Variants in CHD7 observed in about 807,000 individuals in gnomAD.
The protein encoded by CHD7 is ATP-dependent chromatin remodeler CHD7.
Under a neutral mutation model 307.3 loss-of-function variants are expected in CHD7, and 24 were observed. The ratio of observed to expected loss-of-function variants is 0.08; its 90% confidence interval spans 0.06 to 0.11. CHD7 has a LOEUF of 0.11. Among genes scored for constraint, CHD7 ranks in the 10% least tolerant of loss-of-function variants. CHD7 has a pLI of 1.00. For synonymous variants in CHD7, 1,363 were observed against 1,349.9 expected (o/e 1.01, Z -0.21); for missense variants, 3,106 against 3,727.1 (o/e 0.83, Z 4.34).
intron 1 of CHD7, among the ~76,000 whole-genome samples, chr8:60,712,398 G>A (rs1008908066): frequency 2.6e-5 from 4 of 152,112 alleles, no homozygotes; most frequent in African/African-American, 9.7e-5. Flanking sequence ...AATGTTTGAG[G>A]ACTCTGAGAT....
intron 1 of CHD7, among the ~76,000 whole-genome samples, chr8:60,681,616 A>T (rs915778217): frequency 6.6e-6 from 1 of 152,222 alleles, no homozygotes; most frequent in African/African-American, 2.4e-5. Flanking sequence ...AAATTTTAGA[A>T]GCTAAATTTT....
intron 36 of CHD7, 30 bp downstream of exon 36, chr8:60,862,366 A>C (rs1178590985): frequency 6.3e-7 from 1 of 1,582,778 alleles, no homozygotes; most frequent in East Asian, 2.2e-5. Context: ...ATTGATCACT[A>C]TGCGATTTCT....
intron 3 of CHD7, among the ~76,000 whole-genome samples, chr8:60,794,539 A>G (rs1356355900): frequency 1.3e-5 from 2 of 152,230 alleles, no homozygotes; most frequent in Admixed American, 6.5e-5. Context: ...GATGGTATAA[A>G]AGAGGATACC....
At chr8:60,838,048 G>T in intron 18 of CHD7, 28 bp from the exon 19 acceptor site, 2 of 1,419,158 alleles carry the variant, frequency 1.4e-6, no homozygotes, top group South Asian at 3.1e-5. Flanking sequence ...AAATTATTTT[G>T]AGTATTTTAA....
In CHD7 at chr8:60,741,705, C is replaced by T. The variant is rs758320479; in HGVS notation, c.273C>T (p.Ser91=). Residue 91 remains serine (S), a synonymous_variant, in exon 2 of 38, where the codon AGC becomes AGT. Transcript: ENST00000423902. ...TGGATCAGCCGAACAGAATGATGAG[C>T]AACACCCCTGGGAACGGACTCGCGT... ...HLMDQPNRMM[S]NTPGNGLASP... is the part of the protein sequence containing the mutation. 6.2e-7 allele frequency: 1 copy of T among 1,613,978 alleles called. No individual in the cohort carries two copies. Among genetic ancestry groups the T allele is most frequent in the South Asian group, 1.1e-5 (1 of 91,060 alleles).
Position 60,852,865 on chromosome 8 carries a change from C to G in CHD7, c.6140C>G (p.Thr2047Arg). ...PDLSSIIEPI[T>R]EERASRTLYR... ...CTCTCCTCCATAATTGAGCCGATCA[C>G]AGAGGAGCGAGCCTCTCGAACTCTG... The change falls in exon 31 of 38, where the codon ACA (threonine) becomes AGA (arginine). Residue 2047 changes from threonine (T) to arginine (R), a missense_variant. By Grantham distance (71) the Thr-to-Arg change is moderately conservative (BLOSUM62 -1). This residue lies in a region of CHD7 where 1,030 missense variants were observed against 1,165.4 expected (regional missense o/e 0.88). Transcript: ENST00000423902. 1 of 1,613,900 alleles carries G rather than the reference C, an allele frequency of 6.2e-7. No individual in the cohort carries two copies. The highest frequency in any genetic ancestry group is 8.5e-7 in the Non-Finnish European group (1 of 1,179,822).
intron 15 of CHD7, among the ~76,000 whole-genome samples, chr8:60,834,859 C>T (rs1804671751): frequency 2.0e-5 from 3 of 152,200 alleles, no homozygotes; most frequent in Admixed American, 6.5e-5. Context: ...GTGCTTGTTG[C>T]AGCAGTACCA....
chr8:60,787,031 A>T (rs1338696134), intron 3 of CHD7, among the ~76,000 whole-genome samples: 1 of 152,178 alleles, frequency 6.6e-6, no homozygotes, highest in African/African-American at 2.4e-5. Context: ...TCAAGAAAAA[A>T]GACACTTCTT....
intron 1 of CHD7, among the ~76,000 whole-genome samples, chr8:60,698,090 T>G (rs1003310228): frequency 1.3e-5 from 2 of 152,232 alleles, no homozygotes; most frequent in Non-Finnish European, 2.9e-5. Flanking sequence ...ACAAGAAATG[T>G]ACTGCTAACC....
At chr8:60,765,571 A>G (rs1421391773) in intron 2 of CHD7, among the ~76,000 whole-genome samples, 1 of 152,210 alleles carries the variant, frequency 6.6e-6, no homozygotes, top group Admixed American at 6.5e-5. Flanking sequence ...GTGGGAAAGG[A>G]CATTCTAGGC....
At chr8:60,682,601 A>C (rs1409435350) in intron 1 of CHD7, among the ~76,000 whole-genome samples, 2 of 152,220 alleles carry the variant, frequency 1.3e-5, no homozygotes, top group African/African-American at 4.8e-5. Context: ...ACTTTGATTC[A>C]GCAAACCTTG....
chr8:60,682,737 A>G (rs773338176), intron 1 of CHD7, among the ~76,000 whole-genome samples: 5 of 152,244 alleles, frequency 3.3e-5, no homozygotes, highest in Non-Finnish European at 7.3e-5. Context: ...ACTTATAAGT[A>G]ATAGTTATCT....
intron 2 of CHD7, among the ~76,000 whole-genome samples, chr8:60,763,689 T>G (rs978161077): frequency 6.6e-6 from 1 of 152,196 alleles, no homozygotes; most frequent in Non-Finnish European, 1.5e-5. Context: ...GTAGAGAGTT[T>G]ATGATCTTGA....
At chr8:60,826,466 T>TTC (rs2150756768) in intron 13 of CHD7, among the ~76,000 whole-genome samples, 1 of 152,346 alleles carries the variant, frequency 6.6e-6, no homozygotes, top group African/African-American at 2.4e-5. Context: ...ACTTTCTACT[T>TTC]TTTATTCTTT....
At chr8:60,809,695 GAAA>G (rs1206696437) in intron 7 of CHD7, 1 of 102,086 alleles carries the variant, frequency 9.8e-6, no homozygotes, top group Non-Finnish European at 2.0e-5. Flanking sequence ...AAAAAAAAAA[GAAA>G]AAAAAGGTTT....
rs1806476956 is a variant in CHD7 at position 60,696,489 on chromosome 8, G to A, written c.-175+17407G>A. The stretch of plus-strand genomic sequence containing the variant: ...ACGCAGTTTCTTCAGCTGTGACATG[G>A]GAGCAGTAACAGTACTTACTAGTTC... On this transcript the variant is annotated intron_variant, in intron 1 of 37. Transcript: ENST00000423902. Among the ~76,000 whole-genome samples, 4 of 152,274 alleles carry A rather than the reference G, an allele frequency of 2.6e-5. No homozygotes were observed. The South Asian group carries it at 8.3e-4, about 32-fold the overall frequency.
At chr8:60,695,900 T>C (rs1048854867) in intron 1 of CHD7, among the ~76,000 whole-genome samples, 12 of 151,916 alleles carry the variant, frequency 7.9e-5, no homozygotes, top group Admixed American at 5.9e-4. Context: ...AAACTTCTTT[T>C]TTTGTGAAGA....
intron 19 of CHD7, among the ~76,000 whole-genome samples, chr8:60,839,920 C>T (rs919588313): frequency 3.3e-5 from 5 of 152,218 alleles, no homozygotes; most frequent in South Asian, 2.1e-4. Context: ...TTTATTTTAT[C>T]GCTTGTGTTT....
At chr8:60,834,603 A>G (rs1251657577) in intron 15 of CHD7, among the ~76,000 whole-genome samples, 16 of 152,344 alleles carry the variant, frequency 1.1e-4, no homozygotes, top group Non-Finnish European at 2.9e-5. Flanking sequence ...TTAAAGAAAC[A>G]TTCTGAATAT....
Sources: gnomAD v4.1 joint callset for allele counts (sites outside exome capture counted in the v4.1 genomes callset) on GRCh38, gnomAD v4.1.1 for gene constraint, gnomAD v4.1.1 regional missense constraint, MANE v1.5 for transcripts, NCBI Gene and HGNC (gene_info 2026-07-23, HGNC 2026-07-21) for gene names.